Variants in FNBP1 observed in about 807,000 individuals in gnomAD.
The protein encoded by FNBP1 is formin-binding protein 1.
A neutral mutation model predicts 90.6 loss-of-function variants in FNBP1; 26 were observed. The observed-to-expected ratio is 0.29, with a 90% CI of 0.21 to 0.40. The LOEUF is 0.40. FNBP1 is among the 10% of genes least tolerant of loss of function. The pLI is 1.00. For synonymous variants in FNBP1, 260 were observed against 265.2 expected (o/e 0.98, Z 0.19); for missense variants, 635 against 768.0 (o/e 0.83, Z 2.05).
intron 1 of FNBP1, among the ~76,000 whole-genome samples, chr9:130,007,597 A>T (rs965529904): frequency 1.3e-5 from 2 of 152,216 alleles, no homozygotes; most frequent in Non-Finnish European, 2.9e-5. Flanking sequence ...GCCTATTTTG[A>T]CGTTCTTAGA....
At chr9:129,904,611 A>G (rs1333333519) in intron 12 of FNBP1, among the ~76,000 whole-genome samples, 11 of 152,230 alleles carry the variant, frequency 7.2e-5, no homozygotes, top group Non-Finnish European at 1.3e-4. Context: ...GAGAGCTTCT[A>G]CAAGTCCTCA....
chr9:129,950,676 C>T (rs562805058), intron 6 of FNBP1, among the ~76,000 whole-genome samples: 18 of 152,334 alleles, frequency 1.2e-4, no homozygotes, highest in African/African-American at 3.1e-4. Context: ...ATGCCCGCTT[C>T]GGGAGAACCC....
chr9:129,895,017 C>T (rs1402753573), intron 16 of FNBP1, among the ~76,000 whole-genome samples: 1 of 152,130 alleles, frequency 6.6e-6, no homozygotes, highest in Non-Finnish European at 1.5e-5. Flanking sequence ...CCACTGTACT[C>T]CAGCCTGGGC....
intron 1 of FNBP1, among the ~76,000 whole-genome samples, chr9:130,006,466 G>A (rs1221403902): frequency 6.6e-6 from 1 of 152,064 alleles, no homozygotes; most frequent in Non-Finnish European, 1.5e-5. Flanking sequence ...CTGCACTCCA[G>A]CCTGGTGACA....
At chr9:129,911,976 T>G (rs906548958) in intron 11 of FNBP1, among the ~76,000 whole-genome samples, 2 of 150,636 alleles carry the variant, frequency 1.3e-5, no homozygotes, top group African/African-American at 4.9e-5. Context: ...AATATAAGTG[T>G]TTCCCTGAGT....
intron 2 of FNBP1, among the ~76,000 whole-genome samples, chr9:129,982,020 A>T (rs2130973724): frequency 6.6e-6 from 1 of 152,326 alleles, no homozygotes; most frequent in South Asian, 2.1e-4. Flanking sequence ...ATAATTCTAG[A>T]TGCAAAATAA....
intron 1 of FNBP1, among the ~76,000 whole-genome samples, chr9:130,018,246 G>A (rs1467080828): frequency 1.3e-5 from 2 of 151,706 alleles, no homozygotes; most frequent in African/African-American, 2.4e-5. Context: ...AAAAAAAAGT[G>A]TGTTTAAAGT....
intron 15 of FNBP1, among the ~76,000 whole-genome samples, chr9:129,897,226 C>T (rs78918888): frequency 0.023 from 3,496 of 152,242 alleles, 42 homozygotes; most frequent in Non-Finnish European, 0.024. Flanking sequence ...TGCAGTTTGT[C>T]AATGGCGGCA....
intron 11 of FNBP1, among the ~76,000 whole-genome samples, chr9:129,911,605 TC>T (rs2039289556): frequency 6.6e-6 from 1 of 152,144 alleles, no homozygotes; most frequent in Non-Finnish European, 1.5e-5. Flanking sequence ...CATCTCTTCA[TC>T]TGTATTTTTA....
In FNBP1 at chr9:129,923,841, T is replaced by C; in HGVS notation, c.1170+3A>G. 2 of 1,583,576 alleles carry C rather than the reference T, an allele frequency of 1.3e-6. No homozygotes were observed. The highest frequency in any genetic ancestry group is 8.6e-7 in the Non-Finnish European group (1 of 1,166,004). ...AGAGACAGGATTCCGGAGCAGAACT[T>C]ACCCCACGCTTTAGGCTCCTGAAGC... On this transcript the variant is annotated splice_donor_region_variant and intron_variant, in intron 10 of 16. Coordinates refer to ENST00000446176, the MANE Select transcript of FNBP1 (RefSeq NM_015033.3).
At chr9:129,930,103 C>T (rs1181535497) in intron 6 of FNBP1, among the ~76,000 whole-genome samples, 2 of 151,684 alleles carry the variant, frequency 1.3e-5, no homozygotes, top group African/African-American at 2.4e-5. Context: ...CTCTGTCACC[C>T]AGGCTGGAGT....
chr9:129,891,009 G>T (rs966269717), intron 16 of FNBP1, among the ~76,000 whole-genome samples: 2 of 151,910 alleles, frequency 1.3e-5, no homozygotes, highest in Admixed American at 6.6e-5. Context: ...ACAACAATTA[G>T]CCTGGCGTGG....
intron 2 of FNBP1, among the ~76,000 whole-genome samples, chr9:129,993,920 C>T (rs960317052): frequency 9.9e-5 from 15 of 152,178 alleles, no homozygotes; most frequent in East Asian, 1.9e-4. Context: ...CCACTGCGCC[C>T]GGCCCGAAGT....
chr9:129,976,684 T>C (rs1360034971), intron 4 of FNBP1, among the ~76,000 whole-genome samples: 1 of 152,206 alleles, frequency 6.6e-6, no homozygotes, highest in East Asian at 1.9e-4. Context: ...GGAAGCTTCT[T>C]CCTGACCCCA....
chr9:129,923,886 G>A lies in FNBP1; in HGVS notation c.1128C>T (p.Thr376=). 6.2e-7 allele frequency: 1 copy of A among 1,603,734 alleles called. No homozygotes were observed. The highest frequency in any genetic ancestry group is 8.5e-7 in the Non-Finnish European group (1 of 1,175,996). Residue 376 remains threonine, a synonymous_variant, in exon 10 of 17, where the codon ACC becomes ACT. Transcript: ENST00000446176. ...PLSHRFNEFM[T]SKPKIHCFRS... ...TGAAGCAGTGGATTTTGGGTTTGGA[G>A]GTCATGAACTCGTTGAAGCGATGGG...
In FNBP1 at chr9:129,978,461, T is replaced by A. The variant is rs1564485904; in HGVS notation, c.345+4A>T. ...AGGAAGAAAAAGAATAAAGTTTTGC[T>A]TACTGATTTCCTCTCCTGTTTCAGT... is the stretch of plus-strand genomic sequence containing the variant. On this transcript the variant is annotated splice_donor_region_variant and intron_variant, in intron 4 of 16. Transcript: ENST00000446176. 1 of 1,612,346 alleles carries A rather than the reference T, an allele frequency of 6.2e-7. No homozygotes were observed. The highest frequency in any genetic ancestry group is 1.3e-5 in the African/African-American group (1 of 74,894).
At position 129,960,398 on chromosome 9, in the gene FNBP1, A is replaced by G. The variant is rs866077461; in HGVS notation, c.346-1845T>C. 2.5e-3 allele frequency among the ~76,000 whole-genome samples: 333 copies of G among 132,154 alleles called. 2 individuals carry two copies. Among genetic ancestry groups the G allele is most frequent in the African/African-American group, 7.9e-3 (302 of 38,110 alleles). 86.7% of individuals were successfully genotyped at this position (132,154 alleles called of 152,430 possible). A position where few individuals can be genotyped will look rare whatever the true frequency, so the allele number is the denominator to read the frequency against. ...GACTCCATCTCAAAAAAAAAAAAAA[A>G]AAAAAGAAAAAGAAAAAGAAAAAGA... On this transcript the variant is annotated intron_variant, in intron 4 of 16. Coordinates refer to ENST00000446176, the MANE Select transcript of FNBP1 (RefSeq NM_015033.3).
rs549037552 is a variant in FNBP1, at chr9:129,957,280, C to T, written c.513+80G>A. 4.9e-5 allele frequency: 48 copies of T among 984,348 alleles called. No homozygotes were observed. The highest frequency in any genetic ancestry group is 4.8e-4 in the Middle Eastern group (2 of 4,198). 61.0% of individuals were successfully genotyped at this position (984,348 alleles called of 1,614,324 possible). A position where few individuals can be genotyped will look rare whatever the true frequency, so the allele number is the denominator to read the frequency against. ...CTCGAACTCCTGGCCTCAGGTGATC[C>T]GCTCACCTCAGCCTCCCAAAGTGCT... On this transcript the variant is annotated intron_variant, in intron 6 of 16. Coordinates refer to ENST00000446176, the MANE Select transcript of FNBP1 (RefSeq NM_015033.3). This position sits in a 1 kb window ranked among gnomAD's most constrained non-coding sequence, Gnocchi z 4.3.
rs149326265 is a variant in FNBP1 at position 129,907,974 on chromosome 9, G to A, written c.1295+916C>T. 8.5e-3 allele frequency among the ~76,000 whole-genome samples: 1,294 copies of A among 151,976 alleles called. 16 individuals are homozygous for A. The highest frequency in any genetic ancestry group is 0.03 in the African/African-American group (1,225 of 41,434). On this transcript the variant is annotated intron_variant, in intron 12 of 16. Transcript: ENST00000446176. Reference sequence around the variant, plus strand: ...GATCTCCTGACCTTGTGATCTGCCCGCCTCGGCCTCCCAAAGTGCTGGGAT... The same window carrying A: ...GATCTCCTGACCTTGTGATCTGCCCACCTCGGCCTCCCAAAGTGCTGGGAT...
Sources: gnomAD v4.1 joint callset for allele counts (sites outside exome capture counted in the v4.1 genomes callset) on GRCh38, gnomAD v4.1.1 for gene constraint, Gnocchi (gnomAD v3.1) non-coding constraint, MANE v1.5 for transcripts, NCBI Gene and HGNC (gene_info 2026-07-23, HGNC 2026-07-21) for gene names.